CTNNA2: variants seen among roughly 807,000 people sequenced by gnomAD.
CTNNA2 encodes the protein catenin alpha 2.
A neutral mutation model predicts 101.0 loss-of-function variants in CTNNA2; 42 were observed. That is an observed-to-expected ratio of 0.42 (90% CI 0.32 to 0.54). The LOEUF (loss-of-function observed/expected upper bound fraction) is 0.54, where lower values mean the gene tolerates loss of function less well. CTNNA2 is among the 20% of genes least tolerant of loss of function. The probability of loss-of-function intolerance (pLI) is 0.14; values close to 1 mark genes in which losing one functional copy is unlikely to be tolerated. For synonymous variants in CTNNA2, 450 were observed against 456.4 expected (o/e 0.99, Z 0.18); for missense variants, 871 against 1,223.1 (o/e 0.71, Z 4.29).
intron 7 of CTNNA2, among the ~76,000 whole-genome samples, chr2:80,032,987 CCAAAAATA>C (rs1457590526): frequency 6.6e-6 from 1 of 151,654 alleles, no homozygotes; most frequent in Non-Finnish European, 1.5e-5. Flanking sequence ...CCCATCTCTA[CCAAAAATA>C]CAAAAATTAA....
At chr2:80,592,566 C>T (rs766478509) in intron 15 of CTNNA2, among the ~76,000 whole-genome samples, 14 of 152,182 alleles carry the variant, frequency 9.2e-5, no homozygotes, top group Non-Finnish European at 1.8e-4. Flanking sequence ...TCCCCAGATT[C>T]ACTCAGCTGT....
chr2:79,217,082 T>C (rs1030924116), intron 2 of CTNNA2, among the ~76,000 whole-genome samples: 2 of 151,952 alleles, frequency 1.3e-5, no homozygotes, highest in African/African-American at 2.4e-5. Flanking sequence ...GATTGAAGGG[T>C]GGCGCCAATA....
At chr2:79,352,325 C>A (rs1034238234) in intron 3 of CTNNA2, among the ~76,000 whole-genome samples, 1 of 151,894 alleles carries the variant, frequency 6.6e-6, no homozygotes, top group Non-Finnish European at 1.5e-5. Context: ...GATTGTGTAT[C>A]TCCAGGAATT....
At chr2:80,008,423 A>G (rs1693530460) in intron 7 of CTNNA2, among the ~76,000 whole-genome samples, 1 of 152,160 alleles carries the variant, frequency 6.6e-6, no homozygotes, top group Non-Finnish European at 1.5e-5. Flanking sequence ...GGCACTCACT[A>G]CTAATTAAGA....
chr2:80,008,817 G>C (rs1260930492), intron 7 of CTNNA2, among the ~76,000 whole-genome samples: 2 of 152,202 alleles, frequency 1.3e-5, no homozygotes, highest in Non-Finnish European at 2.9e-5. Flanking sequence ...AAGATGCTTC[G>C]TGTGAAATCA....
At chr2:79,501,190 G>C (rs1479342290) in intron 4 of CTNNA2, among the ~76,000 whole-genome samples, 1 of 152,110 alleles carries the variant, frequency 6.6e-6, no homozygotes, top group Non-Finnish European at 1.5e-5. Flanking sequence ...ATTACCCATG[G>C]AAAATGGGTT....
intron 3 of CTNNA2, among the ~76,000 whole-genome samples, chr2:79,340,853 A>G (rs1677120158): frequency 6.8e-6 from 1 of 146,952 alleles, no homozygotes; most frequent in African/African-American, 2.5e-5. Context: ...AAAAAAAAAA[A>G]AGAAAAGAAA....
At chr2:79,304,225 C>T (rs574843232) in intron 2 of CTNNA2, among the ~76,000 whole-genome samples, 6 of 152,230 alleles carry the variant, frequency 3.9e-5, no homozygotes, top group African/African-American at 1.4e-4. Flanking sequence ...AATTCTGCTT[C>T]TGGTACGAAA....
chr2:79,770,797 A>G (rs1384452770), intron 3 of CTNNA2, among the ~76,000 whole-genome samples: 1 of 152,228 alleles, frequency 6.6e-6, no homozygotes, highest in African/African-American at 2.4e-5. Flanking sequence ...GAACTTAAGT[A>G]ACAAGTTCAA....
rs1679593156 is a variant in CTNNA2 at position 80,411,774 on chromosome 2, C to T, written c.1138-7675C>T. 2.6e-5 allele frequency among the ~76,000 whole-genome samples: 4 copies of T among 152,244 alleles called. No individual in the cohort carries two copies. In the South Asian group the frequency reaches 8.3e-4, roughly 32 times the overall value. ...TAGACAAGTGACTTAATTCTATTGT[C>T]TCAGTCTCCTCACCTATAAAAGGAA... On this transcript the variant is annotated intron_variant, in intron 8 of 18. Transcript: ENST00000402739.
intron 8 of CTNNA2, among the ~76,000 whole-genome samples, chr2:80,395,134 G>C (rs1443290845): frequency 3.9e-5 from 6 of 152,102 alleles, no homozygotes; most frequent in Non-Finnish European, 5.9e-5. Context: ...AGAGGACAGT[G>C]GTAAAATTTG....
chr2:80,188,098 C>A (rs1307978788), intron 7 of CTNNA2, among the ~76,000 whole-genome samples: 1 of 152,150 alleles, frequency 6.6e-6, no homozygotes, highest in African/African-American at 2.4e-5. Context: ...ACTGGCTGCT[C>A]TTTGAAGACA....
chr2:79,935,772 G>A (rs1315538533), intron 7 of CTNNA2, among the ~76,000 whole-genome samples: 1 of 152,216 alleles, frequency 6.6e-6, no homozygotes, highest in Admixed American at 6.5e-5. Context: ...AAAGAATGTT[G>A]ACAGAGGCCT....
chr2:79,292,002 G>C (rs1002264515), intron 2 of CTNNA2, among the ~76,000 whole-genome samples: 2 of 151,996 alleles, frequency 1.3e-5, no homozygotes, highest in Non-Finnish European at 2.9e-5. Context: ...AGGGCTTTTG[G>C]GGGGTAGAGC....
At chr2:80,306,428 C>CT (rs1677001618) in intron 7 of CTNNA2, among the ~76,000 whole-genome samples, 1 of 142,072 alleles carries the variant, frequency 7.0e-6, no homozygotes, top group Non-Finnish European at 1.5e-5. Context: ...TTCTTTCTTT[C>CT]TTTCTTTCTT....
chr2:80,524,845 C>CT (rs1251492342), intron 9 of CTNNA2, among the ~76,000 whole-genome samples: 2 of 152,194 alleles, frequency 1.3e-5, no homozygotes, highest in African/African-American at 4.8e-5. Flanking sequence ...TAGATCTCTA[C>CT]TGTAGCACGT....
intron 2 of CTNNA2, among the ~76,000 whole-genome samples, chr2:79,285,246 T>C (rs7598202): frequency 0.068 from 10,177 of 150,364 alleles, 1,167 homozygotes; most frequent in African/African-American, 0.24. Context: ...TTTGTGTCTC[T>C]ATTTCCTTCA....
intron 1 of CTNNA2, among the ~76,000 whole-genome samples, chr2:79,536,170 C>T (rs1295274428): frequency 2.0e-5 from 3 of 152,148 alleles, no homozygotes; most frequent in Non-Finnish European, 4.4e-5. Flanking sequence ...GAAAGCCATA[C>T]CTAGATTCAC....
At chr2:79,851,459 G>C (rs1680698766) in intron 3 of CTNNA2, among the ~76,000 whole-genome samples, 1 of 152,172 alleles carries the variant, frequency 6.6e-6, no homozygotes, top group African/African-American at 2.4e-5. Flanking sequence ...TGCACAGTTT[G>C]AGTTGCAGAA....
Sources: gnomAD v4.1 joint callset for allele counts (sites outside exome capture counted in the v4.1 genomes callset) on GRCh38, gnomAD v4.1.1 for gene constraint, MANE v1.5 for transcripts, NCBI Gene and HGNC (gene_info 2026-07-23, HGNC 2026-07-21) for gene names.